ERBB2: variants seen among roughly 807,000 people sequenced by gnomAD.
The protein encoded by ERBB2 is receptor tyrosine-protein kinase erbB-2.
In ERBB2, 61 loss-of-function variants were observed where a neutral mutation model predicts 149.0. The ratio of observed to expected loss-of-function variants is 0.41; its 90% CI spans 0.33 to 0.51. The LOEUF (loss-of-function observed/expected upper bound fraction) is 0.51, where lower values mean the gene tolerates loss of function less well. Ranked by LOEUF, ERBB2 falls within the 20% of genes least tolerant of loss-of-function variation. The probability of loss-of-function intolerance (pLI) is 0.25; values close to 1 mark genes in which losing one functional copy is unlikely to be tolerated. For missense variants in ERBB2, 1,205 were observed against 1,655.1 expected, an observed-to-expected ratio of 0.73 and a Z score of 4.72; for synonymous variants, 633 against 678.8, an observed-to-expected ratio of 0.93 and a Z score of 1.05.
Position 39,725,919 on chromosome 17 carries a change from A to G in ERBB2, c.2872+66A>G, listed in dbSNP as rs1201655967. ...GAGGTCCTGGGTGGAGGAGCCCACA[A>G]GGGGCATGAAAGGGGACCAGGATGT... On this transcript the variant is annotated intron_variant, in intron 23 of 26. Transcript: ENST00000269571. The surrounding 1 kb of genome is among the most constrained non-coding windows in gnomAD (Gnocchi z 4.6). 1.9e-6 allele frequency: 3 copies of G among 1,568,008 alleles called. No homozygotes were observed. The highest frequency in any genetic ancestry group is 2.6e-6 in the Non-Finnish European group (3 of 1,148,400).
At position 39,725,982 on chromosome 17, in the gene ERBB2, A is replaced by G; in HGVS notation, c.2872+129A>G. The stretch of plus-strand genomic sequence containing the variant: ...GAGCCCTAGTATGTTAGGAGCCTCA[A>G]AACCTTCTTGTATCCCTTTTACAGT... On this transcript the variant is annotated intron_variant, in intron 23 of 26. Coordinates refer to ENST00000269571, the MANE Select transcript of ERBB2 (RefSeq NM_004448.4). This position sits in a 1 kb window ranked among gnomAD's most constrained non-coding sequence, Gnocchi z 4.6. The G allele has an allele frequency of 7.5e-6, 7 of 935,110 alleles. No homozygotes were observed. The highest frequency in any genetic ancestry group is 9.7e-6 in the Non-Finnish European group (6 of 615,988). 57.9% of individuals were successfully genotyped at this position (935,110 alleles called of 1,614,324 possible).
At chr17:39,688,112 C>A (rs573315299), upstream of ERBB2, 3,907 of 1,116,296 alleles carry the variant, frequency 3.5e-3, 10 homozygotes, top group Non-Finnish European at 4.0e-3. Context: ...TTCTACTCTC[C>A]GCTGAAGTCC....
upstream of ERBB2, chr17:39,693,339 T>C (rs1405656807): frequency 6.6e-6 from 1 of 152,304 alleles, no homozygotes; most frequent in Non-Finnish European, 1.5e-5. Context: ...AATATGTTTT[T>C]TCTTACTTAT....
chr17:39,725,845 T>C lies in ERBB2; in HGVS notation c.2864T>C (p.Met955Thr). The part of the protein sequence containing the change: ...PICTIDVYMI[M>T]VKCWMIDSEC... ...TGCACCATTGATGTCTACATGATCA[T>C]GGTCAAATGTGCGTGGCTGAGCTGT... Residue 955 changes from methionine to threonine, a missense_variant, in exon 23 of 27, where the codon ATG becomes ACG. Met to Thr is a moderately conservative substitution (Grantham distance 81, BLOSUM62 -1). This residue lies in a region of ERBB2 where 63 missense variants were observed against 74.2 expected (regional missense o/e 0.85). Coordinates refer to ENST00000269571, the MANE Select transcript of ERBB2 (RefSeq NM_004448.4). This position sits in a 1 kb window ranked among gnomAD's most constrained non-coding sequence, Gnocchi z 4.6. The C allele has an allele frequency of 6.2e-7, 1 of 1,613,662 alleles. No individual in the cohort carries two copies. The highest frequency in any genetic ancestry group is 8.5e-7 in the Non-Finnish European group (1 of 1,179,888).
At position 39,728,002 on chromosome 17, in the gene ERBB2, G is replaced by C. The variant is rs753222413; in HGVS notation, c.3726G>C (p.Thr1242=). 1 of 1,610,264 alleles carries C rather than the reference G, an allele frequency of 6.2e-7. No homozygotes were observed. Among genetic ancestry groups the C allele is most frequent in the African/African-American group, 1.3e-5 (1 of 75,004 alleles). ...CCAGCACCTTCAAAGGGACACCTAC[G>C]GCAGAGAACCCAGAGTACCTGGGTC... ...APPSTFKGTP[T]AENPEYLGLD... The change falls in exon 27 of 27, where the codon ACG becomes ACC. Residue 1242 remains threonine (T), a synonymous_variant. Transcript: ENST00000269571.
intron 16 of ERBB2, among the ~76,000 whole-genome samples, chr17:39,720,510 G>C (rs889437465): frequency 3.9e-5 from 6 of 152,120 alleles, no homozygotes; most frequent in Admixed American, 1.3e-4. Flanking sequence ...TGTCTTAGGC[G>C]ATCATCGGTC....
At chr17:39,715,100 T>A (rs2059041100) in intron 9 of ERBB2, among the ~76,000 whole-genome samples, 186 bp from the exon 10 acceptor site, 1 of 152,156 alleles carries the variant, frequency 6.6e-6, no homozygotes, top group Admixed American at 6.5e-5. Flanking sequence ...AGGATATAAA[T>A]ACTGTTTTGA....
intron 19 of ERBB2, among the ~76,000 whole-genome samples, 181 bp downstream of exon 19, chr17:39,724,191 T>C (rs2059605671): frequency 6.6e-6 from 1 of 151,244 alleles, no homozygotes; most frequent in Admixed American, 6.6e-5. Context: ...TTATCTCGGC[T>C]CACTGCAACC....
rs2143320238 is a variant in ERBB2 at position 39,728,008 on chromosome 17, G to A, written c.3732G>A (p.Glu1244=). 6.2e-7 allele frequency: 1 copy of A among 1,608,908 alleles called. No individual in the cohort carries two copies. The highest frequency in any genetic ancestry group is 1.7e-5 in the Admixed American group (1 of 59,882). The change falls in exon 27 of 27, where the codon GAG becomes GAA. Residue 1244 remains glutamate, a synonymous_variant. Transcript: ENST00000269571. ...PSTFKGTPTA[E]NPEYLGLDVP... ...CCTTCAAAGGGACACCTACGGCAGAGAACCCAGAGTACCTGGGTCTGGACG... is the reference window on the plus strand; with the variant it reads ...CCTTCAAAGGGACACCTACGGCAGAAAACCCAGAGTACCTGGGTCTGGACG...
At chr17:39,705,953 T>G (rs1320253888) in intron 1 of ERBB2, among the ~76,000 whole-genome samples, 1 of 152,172 alleles carries the variant, frequency 6.6e-6, no homozygotes, top group Non-Finnish European at 1.5e-5. Flanking sequence ...CGCCAGGTGA[T>G]TCATCTCACC....
rs1034363840 is a variant in ERBB2, at chr17:39,723,817, G to A, written c.2209-95G>A. The A allele has an allele frequency of 1.3e-6, 2 of 1,493,060 alleles. No homozygotes were observed. Among genetic ancestry groups the A allele is most frequent in the Non-Finnish European group, 1.8e-6 (2 of 1,081,852 alleles). The allele number at this position is 1,493,060 out of a possible 1,614,324, so 92.5% of individuals were successfully genotyped here. ...GGGAGCGGGGCCAAGCCCTAGGGTG[G>A]TGAAGGATGTTTGGAGGACAAGTAA... On this transcript the variant is annotated intron_variant, in intron 18 of 26. Coordinates refer to ENST00000269571, the MANE Select transcript of ERBB2 (RefSeq NM_004448.4). This position sits in a 1 kb window ranked among gnomAD's most constrained non-coding sequence, Gnocchi z 6.2.
upstream of ERBB2, chr17:39,696,444 C>G (rs1260618700): frequency 6.6e-6 from 1 of 151,720 alleles, no homozygotes; most frequent in African/African-American, 2.4e-5. Flanking sequence ...TTTGCTTGGG[C>G]GGGGGGGTGG....
At chr17:39,694,303 G>GTA (rs371746832), upstream of ERBB2, among the ~76,000 whole-genome samples, 4,884 of 75,672 alleles carry the variant, frequency 0.065, 384 homozygotes, top group African/African-American at 0.072. Context: ...ATATATATGT[G>GTA]TATATATATA....
At chr17:39,689,925 A>G (rs1009936998) in intron 2 of ERBB2, among the ~76,000 whole-genome samples, 3 of 151,808 alleles carry the variant, frequency 2.0e-5, no homozygotes, top group Middle Eastern at 3.2e-3. Context: ...AAAGAAAAAG[A>G]AAATTCCAAT....
chr17:39,700,315 G>A lies in ERBB2; in HGVS notation c.73+4G>A, dbSNP rs1214233723. 2 of 1,405,702 alleles carry A rather than the reference G, an allele frequency of 1.4e-6. No individual in the cohort carries two copies. Among genetic ancestry groups the A allele is most frequent in the Non-Finnish European group, 1.9e-6 (2 of 1,081,002 alleles). 87.1% of individuals were successfully genotyped at this position (1,405,702 alleles called of 1,614,324 possible). A position where few individuals can be genotyped will look rare whatever the true frequency, so the allele number is the denominator to read the frequency against. ...CCCGGAGCCGCGAGCACCCAAGGTG[G>A]GTCTGGTGTGGGGAGGGGACGGAGC... On this transcript the variant is annotated splice_donor_region_variant and intron_variant, in intron 1 of 26. Transcript: ENST00000269571.
chr17:39,705,453 TGGG>T (rs2058368942), intron 1 of ERBB2, among the ~76,000 whole-genome samples: 1 of 152,082 alleles, frequency 6.6e-6, no homozygotes, highest in Admixed American at 6.5e-5. Context: ...GGGAGTCTGT[TGGG>T]GGAGGAAGTG....
At chr17:39,703,359 C>T (rs1370682194) in intron 1 of ERBB2, 1 of 152,202 alleles carries the variant, frequency 6.6e-6, no homozygotes, top group Non-Finnish European at 1.5e-5. Flanking sequence ...TGTGAGAAGC[C>T]CCTCTAGAGT....
chr17:39,709,688 G>C (rs1471014150), intron 4 of ERBB2, 125 bp from the exon 5 acceptor site: 1 of 1,026,528 alleles, frequency 9.7e-7, no homozygotes, highest in Non-Finnish European at 1.5e-6. Flanking sequence ...AGCCTGTCTG[G>C]GTCCCTCCCT....
chr17:39,715,175 C>T, intron 9 of ERBB2, 111 bp from the exon 10 acceptor site: 1 of 882,192 alleles, frequency 1.1e-6, no homozygotes. Context: ...GCTCGATGGG[C>T]AAAGGGTTTG....
Sources: gnomAD v4.1 joint callset for allele counts (sites outside exome capture counted in the v4.1 genomes callset) on GRCh38, gnomAD v4.1.1 for gene constraint, gnomAD v4.1.1 regional missense constraint, Gnocchi (gnomAD v3.1) non-coding constraint, MANE v1.5 for transcripts, NCBI Gene and HGNC (gene_info 2026-07-23, HGNC 2026-07-21) for gene names.